The following POU2F3 variants were observed in gnomAD, a reference collection of about 807,000 sequenced individuals.
POU2F3 encodes the protein POU class 2 homeobox 3.
Under a neutral mutation model 59.2 loss-of-function variants are expected in POU2F3, and 23 were observed. That is an observed-to-expected ratio of 0.39 (90% CI 0.28 to 0.55). The LOEUF is 0.55. Ranked by LOEUF, POU2F3 falls within the 20% of genes least tolerant of loss-of-function variation. The pLI, the probability that POU2F3 is intolerant of heterozygous loss-of-function variation, is 0.66. For missense variants in POU2F3, 473 were observed against 544.5 expected (o/e 0.87, Z 1.31); for synonymous variants, 190 against 214.6 (o/e 0.89, Z 1.00).
Position 120,269,270 on chromosome 11 carries a change from G to C in POU2F3, c.132+26G>C. ...GTAAGAACTTGGGTCAGAAAGAAAC[G>C]TTTATTCTATAAAATTTGGGCATCA... On this transcript the variant is annotated intron_variant, in intron 3 of 12. Coordinates refer to ENST00000543440, the MANE Select transcript of POU2F3 (RefSeq NM_014352.4). The C allele has an allele frequency of 1.7e-5, 26 of 1,557,424 alleles. 1 individual carries two copies. The highest frequency in any genetic ancestry group is 2.3e-5 in the Non-Finnish European group (26 of 1,129,150).
intron 1 of POU2F3, among the ~76,000 whole-genome samples, chr11:120,244,757 G>A (rs1269664061): frequency 1.3e-5 from 2 of 152,218 alleles, no homozygotes; most frequent in African/African-American, 4.8e-5. Flanking sequence ...TACTTAATGG[G>A]TGGGAGAGGG....
At chr11:120,310,266 T>C (rs1387032765) in intron 10 of POU2F3, among the ~76,000 whole-genome samples, 1 of 152,162 alleles carries the variant, frequency 6.6e-6, no homozygotes, top group Non-Finnish European at 1.5e-5. Context: ...AGTAGCATGA[T>C]GTGCTCAGAT....
intron 3 of POU2F3, among the ~76,000 whole-genome samples, chr11:120,290,954 C>T (rs1333954524): frequency 6.6e-6 from 1 of 152,224 alleles, no homozygotes; most frequent in Non-Finnish European, 1.5e-5. Context: ...CCACCTTTTT[C>T]CTCTCTTTAC....
chr11:120,253,198 C>G (rs966520648), intron 2 of POU2F3, among the ~76,000 whole-genome samples: 9 of 152,150 alleles, frequency 5.9e-5, no homozygotes, highest in African/African-American at 2.2e-4. Flanking sequence ...CACCAAATGG[C>G]TCACACCCAA....
At chr11:120,272,930 A>G (rs1940140493) in intron 3 of POU2F3, among the ~76,000 whole-genome samples, 1 of 152,112 alleles carries the variant, frequency 6.6e-6, no homozygotes, top group Admixed American at 6.5e-5. Flanking sequence ...TGACAAATAA[A>G]CTGGAAAAGC....
rs373178504 is a variant in POU2F3, at chr11:120,260,548, C to T, written c.98-8662C>T. On this transcript the variant is annotated intron_variant, in intron 2 of 12. Transcript: ENST00000543440. ...AGGAGATTGTATTGGAATCCTGGGG[C>T]TCCCCAGAATTTTAGTGTGCCTTTT... is the stretch of plus-strand genomic sequence containing the variant. Among the ~76,000 whole-genome samples the T allele has an allele frequency of 5.3e-5, 8 of 152,340 alleles. No individual in the cohort carries two copies. The South Asian group carries it at 1.2e-3, about 24-fold the overall frequency.
At chr11:120,298,132 C>A in intron 3 of POU2F3, 133 bp from the exon 4 acceptor site, 1 of 1,164,860 alleles carries the variant, frequency 8.6e-7, no homozygotes, top group Non-Finnish European at 1.2e-6. Context: ...AAGCTGCAGC[C>A]CAGTAGGCCC....
Position 120,319,081 on chromosome 11 carries a change from C to T in POU2F3, c.*689C>T, listed in dbSNP as rs1222856164. On this transcript the variant is annotated 3_prime_UTR_variant, in exon 13 of 13. Transcript: ENST00000543440. Reference sequence around the variant, plus strand: ...GGCATGTTGCAACGCCTGCTGGTGCCCTTCTGTCTGTCCACGTCTGCCTAG... The same window carrying T: ...GGCATGTTGCAACGCCTGCTGGTGCTCTTCTGTCTGTCCACGTCTGCCTAG... 2.6e-5 allele frequency: 4 copies of T among 152,652 alleles called. No individual in the cohort carries two copies. The highest frequency in any genetic ancestry group is 9.7e-5 in the African/African-American group (4 of 41,430). The allele number at this position is 152,652 out of a possible 1,614,324, so 9.5% of individuals were successfully genotyped here. A position where few individuals can be genotyped will look rare whatever the true frequency, so the allele number is the denominator to read the frequency against.
At chr11:120,286,950 C>G (rs1940805153) in intron 3 of POU2F3, among the ~76,000 whole-genome samples, 1 of 152,128 alleles carries the variant, frequency 6.6e-6, no homozygotes, top group African/African-American at 2.4e-5. Context: ...CACAGTGGAC[C>G]ACAAGCAGGG....
chr11:120,283,895 C>T (rs1437666841), intron 3 of POU2F3, among the ~76,000 whole-genome samples: 3 of 151,254 alleles, frequency 2.0e-5, no homozygotes, highest in Non-Finnish European at 2.9e-5. Context: ...AGTGCCTGTG[C>T]GGTTCAGTTA....
chr11:120,280,206 G>A (rs1327998322), intron 3 of POU2F3, among the ~76,000 whole-genome samples: 1 of 152,228 alleles, frequency 6.6e-6, no homozygotes, highest in African/African-American at 2.4e-5. Context: ...AACAGGGGAA[G>A]TTAATACTAT....
intron 8 of POU2F3, among the ~76,000 whole-genome samples, chr11:120,306,963 C>T (rs1941510672): frequency 6.6e-6 from 1 of 152,254 alleles, no homozygotes; most frequent in South Asian, 2.1e-4. Context: ...ATGGCCCCTA[C>T]AGCCTTAGCT....
rs114927928 is a variant in POU2F3 at position 120,268,920 on chromosome 11, C to A, written c.98-290C>A. ...GAAGCATGCGGTGGAGTGAGCTCTC[C>A]AGTTGGCATGGCCAGCTGTCCTCCC... is the stretch of plus-strand genomic sequence containing the variant. On this transcript the variant is annotated intron_variant, in intron 2 of 12. Coordinates refer to ENST00000543440, the MANE Select transcript of POU2F3 (RefSeq NM_014352.4). Among the ~76,000 whole-genome samples, 1,032 of 152,234 alleles carry A rather than the reference C, an allele frequency of 6.8e-3. 16 individuals carry two copies. The highest frequency in any genetic ancestry group is 0.023 in the African/African-American group (968 of 41,558).
intron 1 of POU2F3, among the ~76,000 whole-genome samples, chr11:120,244,359 T>C (rs2135122610): frequency 6.6e-6 from 1 of 152,300 alleles, no homozygotes; most frequent in South Asian, 2.1e-4. Flanking sequence ...AATTAGTTCA[T>C]TTATTAGGTG....
At chr11:120,256,515 CA>C (rs1322583127) in intron 2 of POU2F3, 1 of 152,166 alleles carries the variant, frequency 6.6e-6, no homozygotes, top group Non-Finnish European at 1.5e-5. Flanking sequence ...CACTCGTGGT[CA>C]GCACACTGTC....
At chr11:120,300,649 A>C (rs1283352262) in intron 5 of POU2F3, among the ~76,000 whole-genome samples, 2 of 152,146 alleles carry the variant, frequency 1.3e-5, no homozygotes, top group African/African-American at 4.8e-5. Flanking sequence ...CTGTAATCCC[A>C]GCTACTCAGG....
At chr11:120,280,486 C>G (rs1940517601) in intron 3 of POU2F3, among the ~76,000 whole-genome samples, 1 of 152,088 alleles carries the variant, frequency 6.6e-6, no homozygotes, top group Non-Finnish European at 1.5e-5. Flanking sequence ...ATTATTCTTC[C>G]CATTATAAAG....
rs372401386 is a variant in POU2F3 at position 120,244,830 on chromosome 11, G to C, written c.29-1619G>C. Among the ~76,000 whole-genome samples the C allele has an allele frequency of 2.0e-5, 3 of 152,282 alleles. No homozygotes were observed. The East Asian group carries it at 5.8e-4, about 29-fold the overall frequency. On this transcript the variant is annotated intron_variant, in intron 1 of 12. Coordinates refer to ENST00000543440, the MANE Select transcript of POU2F3 (RefSeq NM_014352.4). ...GCAGAAGCCCTTTGCAAATGTGTCT[G>C]GGCGGTCCATAGTAGTTATTCTGCA... is the stretch of plus-strand genomic sequence containing the variant.
intron 2 of POU2F3, chr11:120,256,200 T>C (rs1939337648): frequency 6.6e-6 from 1 of 152,304 alleles, no homozygotes; most frequent in South Asian, 2.1e-4. Context: ...TAAGTGTCTC[T>C]GATGTGTTGA....
Sources: allele counts gnomAD v4.1 joint callset (sites outside exome capture counted in the v4.1 genomes callset), GRCh38; gene constraint gnomAD v4.1.1; transcripts MANE v1.5; gene names NCBI Gene and HGNC (gene_info 2026-07-23, HGNC 2026-07-21).